Variants in PIK3R3 observed in about 807,000 individuals in gnomAD.
The protein encoded by PIK3R3 is phosphoinositide-3-kinase regulatory subunit 3, also known as phosphatidylinositol 3-kinase regulatory subunit gamma.
In PIK3R3, 64 loss-of-function variants were observed where a neutral mutation model predicts 62.9. That is an observed-to-expected ratio of 1.02 (90% CI 0.83 to 1.25). PIK3R3 has a LOEUF of 1.25. PIK3R3 is among the 50% of genes most tolerant of loss of function. PIK3R3 has a pLI of 0.00. For synonymous variants in PIK3R3, 165 were observed against 189.0 expected, an observed-to-expected ratio of 0.87 and a Z score of 1.04; for missense variants, 614 against 561.6, an observed-to-expected ratio of 1.09 and a Z score of -0.94.
chr1:46,111,585 G>T (rs992927565), intron 1 of PIK3R3, among the ~76,000 whole-genome samples: 1 of 152,058 alleles, frequency 6.6e-6, no homozygotes, highest in Non-Finnish European at 1.5e-5. Context: ...AATTAGCCGC[G>T]TGTAGCTGTG....
intron 7 of PIK3R3, among the ~76,000 whole-genome samples, chr1:46,047,403 C>A (rs1408271267): frequency 1.3e-5 from 2 of 149,254 alleles, no homozygotes; most frequent in Non-Finnish European, 3.0e-5. Flanking sequence ...GTACCACTGC[C>A]CTCCAGTGTG....
In PIK3R3 at chr1:46,055,799, G is replaced by A; in HGVS notation, c.937C>T (p.Leu313Phe). 1 of 1,584,180 alleles carries A rather than the reference G, an allele frequency of 6.3e-7. No homozygotes were observed. The highest frequency in any genetic ancestry group is 8.6e-7 in the Non-Finnish European group (1 of 1,166,214). Reference sequence around the variant, plus strand: ...ATACACTCCCAGACTACTTACACAAGGTGTTGATCTCGGATCTTTCGCAGC... The same window carrying A: ...ATACACTCCCAGACTACTTACACAAAGTGTTGATCTCGGATCTTTCGCAGC... ...IQLRKIRDQH[L>F]VWLNHKGVRQ... The change falls in exon 7 of 10, where the codon CTT becomes TTT. Residue 313 changes from leucine to phenylalanine, a missense_variant. Leu to Phe is a conservative substitution (Grantham distance 22). Coordinates refer to ENST00000262741, the MANE Select transcript of PIK3R3 (RefSeq NM_003629.4).
intron 1 of PIK3R3, among the ~76,000 whole-genome samples, chr1:46,086,362 G>A (rs772874806): frequency 1.3e-4 from 20 of 151,898 alleles, no homozygotes; most frequent in Non-Finnish European, 2.8e-4. Context: ...AGGCTGAGAT[G>A]GGAGGATTGC....
rs59919818 is a variant in PIK3R3 at position 46,132,269 on chromosome 1, G to A, written c.-317C>T. 2.7e-6 allele frequency: 3 copies of A among 1,126,178 alleles called. No homozygotes were observed. Among genetic ancestry groups the A allele is most frequent in the Non-Finnish European group, 3.3e-6 (3 of 914,632 alleles). 69.8% of individuals were successfully genotyped at this position (1,126,178 alleles called of 1,614,324 possible). On this transcript the variant is annotated 5_prime_UTR_variant, in exon 1 of 10. Transcript: ENST00000262741. ...AATCCTTTCTACACAGTCGCTCTCC[G>A]GGGAGAAAAGCTCCCACCGCCTCCA...
chr1:46,171,562 A>G, the PIK3R3 span, among the ~76,000 whole-genome samples: 2 of 152,066 alleles, frequency 1.3e-5, no homozygotes, highest in Non-Finnish European at 2.9e-5. Flanking sequence ...CCGGTATTGC[A>G]TTGTGGGGTT....
the PIK3R3 span, among the ~76,000 whole-genome samples, chr1:46,159,735 C>A: frequency 8.8e-6 from 1 of 113,986 alleles, no homozygotes; most frequent in Non-Finnish European, 1.8e-5. Flanking sequence ...TCTATGAGTA[C>A]CATACACACA....
At position 46,055,813 on chromosome 1, in the gene PIK3R3, A is replaced by C; in HGVS notation, c.923T>G (p.Ile308Ser). 1.4e-6 allele frequency: 2 copies of C among 1,392,494 alleles called. No individual in the cohort carries two copies. The highest frequency in any genetic ancestry group is 1.9e-6 in the Non-Finnish European group (2 of 1,064,492). The allele number at this position is 1,392,494 out of a possible 1,614,324, so 86.3% of individuals were successfully genotyped here. A position where few individuals can be genotyped will look rare whatever the true frequency, so the allele number is the denominator to read the frequency against. Reference protein sequence around the residue: ...IKPDLIQLRKIRDQHLVWLNH... With the variant: ...IKPDLIQLRKSRDQHLVWLNH... ...TACTTACACAAGGTGTTGATCTCGGATCTTTCGCAGCTGGATCAGGTCAGG... is the reference window on the plus strand; with the variant it reads ...TACTTACACAAGGTGTTGATCTCGGCTCTTTCGCAGCTGGATCAGGTCAGG... The change falls in exon 7 of 10, where the codon ATC (isoleucine) becomes AGC (serine). Residue 308 changes from isoleucine to serine, a missense_variant. By Grantham distance (142) the Ile-to-Ser change is moderately radical. Coordinates refer to ENST00000262741, the MANE Select transcript of PIK3R3 (RefSeq NM_003629.4).
chr1:46,143,416 T>C, the PIK3R3 span, among the ~76,000 whole-genome samples: 5 of 147,166 alleles, frequency 3.4e-5, no homozygotes, highest in East Asian at 1.0e-3. Context: ...CAAGTCAGGG[T>C]ATTTGGTGTA....
At chr1:46,076,925 AT>A (rs1216608343) in intron 3 of PIK3R3, among the ~76,000 whole-genome samples, 2 of 152,228 alleles carry the variant, frequency 1.3e-5, no homozygotes, top group African/African-American at 2.4e-5. Flanking sequence ...TTTAAAAAAA[AT>A]CATAAGGCTT....
chr1:46,101,352 T>C (rs1406450658), intron 1 of PIK3R3, among the ~76,000 whole-genome samples: 1 of 151,500 alleles, frequency 6.6e-6, no homozygotes, highest in African/African-American at 2.4e-5. Context: ...AAAAAGTAAC[T>C]GGGTGTGGTG....
At chr1:46,117,746 G>A (rs785491) in intron 1 of PIK3R3, among the ~76,000 whole-genome samples, 69,437 of 150,214 alleles carry the variant, frequency 0.46, 16,042 homozygotes, top group East Asian at 0.62. Context: ...AACCTGTCTC[G>A]AAAGAAAGAA....
intron 1 of PIK3R3, among the ~76,000 whole-genome samples, chr1:46,087,654 C>T (rs1304767691): frequency 6.9e-5 from 9 of 129,596 alleles, no homozygotes; most frequent in Admixed American, 4.7e-4. Flanking sequence ...AGGGTGGTCT[C>T]GAATTCCTGG....
upstream of PIK3R3, chr1:46,132,709 G>A (rs1223143522): frequency 4.7e-6 from 6 of 1,288,964 alleles, no homozygotes; most frequent in Admixed American, 2.3e-5. Flanking sequence ...CCGCTGAGGC[G>A]CCACCCAACC....
intron 1 of PIK3R3, among the ~76,000 whole-genome samples, chr1:46,098,212 A>G (rs111982246): frequency 6.6e-6 from 1 of 152,242 alleles, no homozygotes; most frequent in African/African-American, 2.4e-5. Context: ...ACAGTGACAT[A>G]CTACCTCACA....
chr1:46,077,425 T>C (rs2149409695), intron 3 of PIK3R3, 90 bp downstream of exon 3: 1 of 555,898 alleles, frequency 1.8e-6, no homozygotes, highest in Non-Finnish European at 3.2e-6. Context: ...AAAAATTGTA[T>C]AGATAAAGAT....
intron 3 of PIK3R3, among the ~76,000 whole-genome samples, chr1:46,074,951 A>G (rs1649932535): frequency 6.6e-6 from 1 of 152,184 alleles, no homozygotes. Context: ...AACAGAAGAG[A>G]AGATTCTGAC....
intron 3 of PIK3R3, among the ~76,000 whole-genome samples, chr1:46,067,918 A>C (rs928794963): frequency 1.3e-5 from 2 of 152,252 alleles, no homozygotes; most frequent in African/African-American, 4.8e-5. Context: ...TGCAAGTCCC[A>C]TAAGGCATAA....
intron 1 of PIK3R3, among the ~76,000 whole-genome samples, chr1:46,091,564 C>A (rs1240734211): frequency 6.6e-6 from 1 of 151,898 alleles, no homozygotes; most frequent in Non-Finnish European, 1.5e-5. Context: ...TGGCTCTTTA[C>A]AGAAAAAATG....
the PIK3R3 span, among the ~76,000 whole-genome samples, chr1:46,168,099 C>T: frequency 6.6e-6 from 1 of 152,166 alleles, no homozygotes; most frequent in South Asian, 2.1e-4. Context: ...TGCAGTGAGC[C>T]TAGATCACAC....
Sources: allele counts gnomAD v4.1 joint callset (sites outside exome capture counted in the v4.1 genomes callset), GRCh38; gene constraint gnomAD v4.1.1; transcripts MANE v1.5; gene names NCBI Gene and HGNC (gene_info 2026-07-23, HGNC 2026-07-21).